Variants in PPM1H observed in about 807,000 individuals in gnomAD.
PPM1H encodes the protein protein phosphatase, Mg2+/Mn2+ dependent 1H.
PPM1H carries 27 observed loss-of-function variants against 54.9 expected under a neutral mutation model. That is an observed-to-expected ratio of 0.49 (90% CI 0.36 to 0.68). The LOEUF (loss-of-function observed/expected upper bound fraction) is 0.68. Ranked by LOEUF, PPM1H falls within the 30% of genes least tolerant of loss-of-function variation. PPM1H has a pLI of 0.00. For missense variants in PPM1H, 596 were observed against 667.8 expected (o/e 0.89, Z 1.19); for synonymous variants, 305 against 270.8 (o/e 1.13, Z -1.24).
chr12:62,686,281 G>A (rs1332040835), intron 8 of PPM1H, among the ~76,000 whole-genome samples: 1 of 152,224 alleles, frequency 6.6e-6, no homozygotes, highest in Non-Finnish European at 1.5e-5. Flanking sequence ...TCTCCTTCAA[G>A]CCAAGTGGAG....
At position 62,851,702 on chromosome 12, in the gene PPM1H, TCAAA is replaced by T. The variant is rs367673288; in HGVS notation, c.246-19427_246-19424del. On this transcript the variant is annotated intron_variant, in intron 1 of 9. Transcript: ENST00000228705. ...TGGGCAACAAGTGTGAAACTCCATC[TCAAA>T]CAAACAAACAAACAAACAAAAAACT... 8.9e-3 allele frequency among the ~76,000 whole-genome samples: 1,356 copies of T among 151,936 alleles called. 13 individuals carry two copies. Among genetic ancestry groups the T allele is most frequent in the African/African-American group, 0.031 (1,275 of 41,408 alleles).
chr12:62,917,400 T>C (rs1309138627), intron 1 of PPM1H, among the ~76,000 whole-genome samples: 2 of 151,946 alleles, frequency 1.3e-5, no homozygotes, highest in African/African-American at 2.4e-5. Flanking sequence ...CCTGGAAGGG[T>C]CAGTAAGAGC....
chr12:62,822,489 G>A (rs1038269280), intron 2 of PPM1H, among the ~76,000 whole-genome samples: 1 of 151,694 alleles, frequency 6.6e-6, no homozygotes, highest in African/African-American at 2.4e-5. Context: ...CAAAAGAGTT[G>A]GAAGTAAAGC....
intron 1 of PPM1H, among the ~76,000 whole-genome samples, chr12:62,851,962 G>C (rs552109844): frequency 1.1e-3 from 159 of 149,858 alleles, no homozygotes; most frequent in African/African-American, 3.8e-3. Context: ...GGCCGGGCGC[G>C]GTGGCTCACG....
chr12:62,751,468 C>A lies in PPM1H; in HGVS notation c.870-13882G>T, dbSNP rs772376458. On this transcript the variant is annotated intron_variant, in intron 4 of 9. Coordinates refer to ENST00000228705, the MANE Select transcript of PPM1H (RefSeq NM_020700.2). Reference sequence around the variant, plus strand: ...GTTTATTCAGAGAACAGTGGGTGACCAGTTCTTCATGCTCAGAGTGAAACA... The same window carrying A: ...GTTTATTCAGAGAACAGTGGGTGACAAGTTCTTCATGCTCAGAGTGAAACA... Among the ~76,000 whole-genome samples the A allele has an allele frequency of 1.8e-4, 27 of 152,166 alleles. 1 individual carries two copies. Among genetic ancestry groups the A allele is most frequent in the Non-Finnish European group, 2.2e-4 (15 of 68,034 alleles).
chr12:62,890,616 A>G (rs1452708181), intron 1 of PPM1H, among the ~76,000 whole-genome samples: 1 of 152,128 alleles, frequency 6.6e-6, no homozygotes, highest in Non-Finnish European at 1.5e-5. Flanking sequence ...GCTATTAGCA[A>G]CTGAAAAACA....
chr12:62,761,202 G>A (rs1024895876), intron 4 of PPM1H, among the ~76,000 whole-genome samples: 11 of 152,182 alleles, frequency 7.2e-5, no homozygotes, highest in Admixed American at 6.5e-5. Context: ...AGGTCCTAAG[G>A]ACTCCACAGT....
At chr12:62,655,311 T>A (rs541935510) in intron 9 of PPM1H, among the ~76,000 whole-genome samples, 1 of 152,148 alleles carries the variant, frequency 6.6e-6, no homozygotes, top group Non-Finnish European at 1.5e-5. Context: ...CCTTGCCATA[T>A]GAAATGCATG....
intron 2 of PPM1H, among the ~76,000 whole-genome samples, chr12:62,819,817 G>A (rs2076890886): frequency 6.6e-6 from 1 of 152,198 alleles, no homozygotes; most frequent in Non-Finnish European, 1.5e-5. Context: ...TTCCAAGATG[G>A]CCGAATGGAA....
At chr12:62,673,575 T>C (rs1431033521) in intron 8 of PPM1H, among the ~76,000 whole-genome samples, 1 of 152,074 alleles carries the variant, frequency 6.6e-6, no homozygotes, top group East Asian at 1.9e-4. Flanking sequence ...GTTTTTCCCT[T>C]TTAAGTACTC....
intron 3 of PPM1H, among the ~76,000 whole-genome samples, chr12:62,794,822 G>C (rs1442678603): frequency 6.6e-6 from 1 of 152,092 alleles, no homozygotes; most frequent in Non-Finnish European, 1.5e-5. Flanking sequence ...CTATTGTCCT[G>C]GGCCAAGCGA....
At chr12:62,755,421 G>A in intron 4 of PPM1H, 1 of 724,554 alleles carries the variant, frequency 1.4e-6, no homozygotes, top group South Asian at 1.4e-5. Context: ...AGAATGGGAA[G>A]CTTGTCATCA....
intron 5 of PPM1H, among the ~76,000 whole-genome samples, chr12:62,736,877 G>A (rs1441384971): frequency 6.6e-6 from 1 of 152,160 alleles, no homozygotes; most frequent in African/African-American, 2.4e-5. Flanking sequence ...CCTTGCCCCT[G>A]GAATTTGAAG....
intron 4 of PPM1H, among the ~76,000 whole-genome samples, chr12:62,750,100 T>C (rs1054609131): frequency 2.6e-5 from 4 of 152,352 alleles, no homozygotes; most frequent in African/African-American, 9.6e-5. Flanking sequence ...TATGTGTTTG[T>C]TTTCTGTTTT....
rs557813334 is a variant in PPM1H, at chr12:62,902,296, G to C, written c.245+32196C>G. 4.0e-3 allele frequency among the ~76,000 whole-genome samples: 614 copies of C among 152,090 alleles called. 4 individuals are homozygous for C. The highest frequency in any genetic ancestry group is 6.7e-3 in the Non-Finnish European group (458 of 68,004). ...TTAAACCCGGGAGGCGGAGGTTGCA[G>C]TGAGCCGAGATCGCACCATTGCACT... On this transcript the variant is annotated intron_variant, in intron 1 of 9. Coordinates refer to ENST00000228705, the MANE Select transcript of PPM1H (RefSeq NM_020700.2).
intron 6 of PPM1H, among the ~76,000 whole-genome samples, chr12:62,719,356 C>A (rs905491580): frequency 6.6e-6 from 1 of 152,178 alleles, no homozygotes; most frequent in Non-Finnish European, 1.5e-5. Flanking sequence ...GGTCCATGGT[C>A]TCATTCTCAT....
At position 62,900,810 on chromosome 12, in the gene PPM1H, C is replaced by T. The variant is rs573299557; in HGVS notation, c.245+33682G>A. Among the ~76,000 whole-genome samples, 106 of 152,268 alleles carry T rather than the reference C, an allele frequency of 7.0e-4. 2 individuals are homozygous for T. The highest frequency in any genetic ancestry group is 2.3e-3 in the African/African-American group (94 of 41,550). On this transcript the variant is annotated intron_variant, in intron 1 of 9. Coordinates refer to ENST00000228705, the MANE Select transcript of PPM1H (RefSeq NM_020700.2). ...CATAGTACAGATAGGACTTAAGCCCCGGTGTCTGGTTTCAAGGCTATACCC... is the reference window on the plus strand; with the variant it reads ...CATAGTACAGATAGGACTTAAGCCCTGGTGTCTGGTTTCAAGGCTATACCC...
intron 1 of PPM1H, among the ~76,000 whole-genome samples, chr12:62,872,099 CA>C (rs1295795003): frequency 6.6e-6 from 1 of 152,220 alleles, no homozygotes; most frequent in Non-Finnish European, 1.5e-5. Context: ...GTAATCTCAT[CA>C]GAATTTCTGA....
chr12:62,716,716 G>T (rs555954307), intron 6 of PPM1H, among the ~76,000 whole-genome samples: 1 of 152,114 alleles, frequency 6.6e-6, no homozygotes, highest in African/African-American at 2.4e-5. Context: ...TTGTTATAGA[G>T]ATGGGGTCTC....
Sources: allele counts gnomAD v4.1 joint callset (sites outside exome capture counted in the v4.1 genomes callset), GRCh38; gene constraint gnomAD v4.1.1; transcripts MANE v1.5; gene names NCBI Gene and HGNC (gene_info 2026-07-23, HGNC 2026-07-21).